Variants in ST18 observed in about 807,000 individuals in gnomAD.
ST18 encodes ST18 C2H2C-type zinc finger transcription factor.
Under a neutral mutation model 110.0 loss-of-function variants are expected in ST18, and 50 were observed. The observed-to-expected ratio is 0.45, with a 90% confidence interval of 0.36 to 0.58. The LOEUF is 0.58. Among genes scored for constraint, ST18 ranks in the 20% least tolerant of loss-of-function variants. The pLI is 0.00. For synonymous variants in ST18, 461 were observed against 452.4 expected (o/e 1.02, Z -0.24); for missense variants, 1,306 against 1,280.1 (o/e 1.02, Z -0.31).
In ST18 at chr8:52,110,863, A is replaced by T. The variant is rs2040349430; in HGVS notation, c.*2335T>A. 1 of 385,676 alleles carries T rather than the reference A, an allele frequency of 2.6e-6. No homozygotes were observed. 23.9% of individuals were successfully genotyped at this position (385,676 alleles called of 1,614,324 possible). A position where few individuals can be genotyped will look rare whatever the true frequency, so the allele number is the denominator to read the frequency against. ...TCGTTATCAATTTTTATTTCCTACC[A>T]TACACCAAATGTACAGCACTGAACA... On this transcript the variant is annotated 3_prime_UTR_variant, in exon 26 of 26. Coordinates refer to ENST00000689386, the MANE Select transcript of ST18 (RefSeq NM_001352837.2).
chr8:52,174,926 C>A (rs1404392595), intron 9 of ST18, among the ~76,000 whole-genome samples: 1 of 152,062 alleles, frequency 6.6e-6, no homozygotes, highest in African/African-American at 2.4e-5. Flanking sequence ...CTTGTTTCTC[C>A]CAGCTTTGCA....
At position 52,159,018 on chromosome 8, in the gene ST18, G is replaced by A; in HGVS notation, c.1686C>T (p.Ser562=). 6.2e-7 allele frequency: 1 copy of A among 1,614,144 alleles called. No homozygotes were observed. Among genetic ancestry groups the A allele is most frequent in the Non-Finnish European group, 8.5e-7 (1 of 1,180,002 alleles). The part of the protein sequence containing the change: ...TQSPGRASSY[S]YGQCSEDTHI... ...GGGTGTCTTCACTACATTGACCGTA[G>A]CTATAAGAGCTGGCACGGCCAGGGC... The change falls in exon 15 of 26, where the codon AGC becomes AGT. Residue 562 remains serine (S), a synonymous_variant. Transcript: ENST00000689386.
At chr8:52,174,367 CAAAT>C (rs1205175546) in intron 9 of ST18, among the ~76,000 whole-genome samples, 2 of 152,070 alleles carry the variant, frequency 1.3e-5, no homozygotes, top group African/African-American at 2.4e-5. Context: ...CTACAGAAAA[CAAAT>C]AAAAAGCATT....
chr8:52,239,075 A>G (rs1263746542), intron 2 of ST18, among the ~76,000 whole-genome samples: 1 of 152,130 alleles, frequency 6.6e-6, no homozygotes, highest in African/African-American at 2.4e-5. Context: ...GCTAAGTGAA[A>G]GAAGCCAGGC....
In ST18 at chr8:52,116,131, C is replaced by T. The variant is rs78676087; in HGVS notation, c.3003+144G>A. The T allele has an allele frequency of 1.2e-3, 1,037 of 866,182 alleles. 12 individuals carry two copies. The African/African-American group carries it at 0.016, about 13-fold the overall frequency. 53.7% of individuals were successfully genotyped at this position (866,182 alleles called of 1,614,324 possible). Reference sequence around the variant, plus strand: ...ATGTTCCCAGAGAGGGAGATTACTCCAAGCCAGACTGTGATGAAGTGTGGT... The same window carrying T: ...ATGTTCCCAGAGAGGGAGATTACTCTAAGCCAGACTGTGATGAAGTGTGGT... On this transcript the variant is annotated intron_variant, in intron 25 of 25. Transcript: ENST00000689386.
intron 17 of ST18, among the ~76,000 whole-genome samples, chr8:52,141,295 G>A (rs772370569): frequency 7.9e-5 from 12 of 152,198 alleles, no homozygotes; most frequent in Admixed American, 2.6e-4. Flanking sequence ...CTTGGCACCA[G>A]CATTTGAAAT....
intron 2 of ST18, among the ~76,000 whole-genome samples, chr8:52,249,620 GC>G (rs2094134069): frequency 6.6e-6 from 1 of 152,030 alleles, no homozygotes. Flanking sequence ...CCTCAAGGTT[GC>G]CGAAGGTCTA....
intron 2 of ST18, among the ~76,000 whole-genome samples, chr8:52,303,822 C>G (rs893404468): frequency 1.3e-5 from 2 of 152,166 alleles, no homozygotes; most frequent in Admixed American, 6.5e-5. Context: ...ACACTAAATG[C>G]AGTGCTTTGT....
rs189479046 is a variant in ST18, at chr8:52,144,394, T to A, written c.2053-1349A>T. 3.4e-3 allele frequency among the ~76,000 whole-genome samples: 514 copies of A among 152,168 alleles called. 6 individuals carry two copies. Among genetic ancestry groups the A allele is most frequent in the African/African-American group, 0.012 (486 of 41,552 alleles). ...AAAATATAATTTTAGTAATTCTGAGTCTATATTCAAAAGCAATATGAAAAA... is the reference window on the plus strand; with the variant it reads ...AAAATATAATTTTAGTAATTCTGAGACTATATTCAAAAGCAATATGAAAAA... On this transcript the variant is annotated intron_variant, in intron 16 of 25. Transcript: ENST00000689386.
At chr8:52,250,277 C>G (rs901379593) in intron 2 of ST18, among the ~76,000 whole-genome samples, 1 of 151,624 alleles carries the variant, frequency 6.6e-6, no homozygotes, top group Non-Finnish European at 1.5e-5. Flanking sequence ...CTGCATCTCC[C>G]TTGAACAGAC....
intron 2 of ST18, among the ~76,000 whole-genome samples, chr8:52,310,443 C>T (rs2095885736): frequency 6.6e-6 from 1 of 152,042 alleles, no homozygotes; most frequent in Non-Finnish European, 1.5e-5. Flanking sequence ...ACTATAAGCC[C>T]TTGTGTCTGT....
At chr8:52,286,292 C>G (rs2139250269) in intron 2 of ST18, among the ~76,000 whole-genome samples, 1 of 152,206 alleles carries the variant, frequency 6.6e-6, no homozygotes, top group South Asian at 2.1e-4. Context: ...GGGCACAGTA[C>G]AAAGCTGGCA....
At chr8:52,296,860 G>A (rs1011333495) in intron 2 of ST18, among the ~76,000 whole-genome samples, 2 of 152,088 alleles carry the variant, frequency 1.3e-5, no homozygotes, top group African/African-American at 4.8e-5. Context: ...ACTAAGACAA[G>A]TGTGCAATTA....
At chr8:52,174,981 TG>T (rs1470746426) in intron 9 of ST18, among the ~76,000 whole-genome samples, 1 of 151,756 alleles carries the variant, frequency 6.6e-6, no homozygotes, top group African/African-American at 2.4e-5. Flanking sequence ...TTATTTTCTC[TG>T]GGGGCCTGGT....
intron 19 of ST18, among the ~76,000 whole-genome samples, chr8:52,136,105 A>T (rs989228567): frequency 2.0e-5 from 3 of 152,240 alleles, no homozygotes; most frequent in African/African-American, 7.2e-5. Context: ...TCACAAAGTA[A>T]AAGTTAATAC....
At position 52,116,256 on chromosome 8, in the gene ST18, G is replaced by T. The variant is rs746366348; in HGVS notation, c.3003+19C>A. 1 of 1,610,238 alleles carries T rather than the reference G, an allele frequency of 6.2e-7. No individual in the cohort carries two copies. Among genetic ancestry groups the T allele is most frequent in the Non-Finnish European group, 8.5e-7 (1 of 1,178,574 alleles). On this transcript the variant is annotated intron_variant, in intron 25 of 25. Coordinates refer to ENST00000689386, the MANE Select transcript of ST18 (RefSeq NM_001352837.2). ...CAAATGCTTGTAATGGAATGGCAAG[G>T]TTCTGGCCTTGAACTTACCATCTGT... is the stretch of plus-strand genomic sequence containing the variant.
At chr8:52,226,291 G>A (rs1003981744) in intron 3 of ST18, among the ~76,000 whole-genome samples, 1 of 152,124 alleles carries the variant, frequency 6.6e-6, no homozygotes, top group African/African-American at 2.4e-5. Context: ...GCAATGCATT[G>A]CTGTCTTTGG....
chr8:52,233,304 G>A (rs1428636360), intron 2 of ST18, among the ~76,000 whole-genome samples: 1 of 152,060 alleles, frequency 6.6e-6, no homozygotes, highest in East Asian at 1.9e-4. Flanking sequence ...TATTTCTGTT[G>A]CATAAATCAA....
chr8:52,157,448 G>A (rs1563748320), intron 15 of ST18, among the ~76,000 whole-genome samples: 1 of 152,008 alleles, frequency 6.6e-6, no homozygotes, highest in African/African-American at 2.4e-5. Flanking sequence ...AGAAGGAAGC[G>A]ATTTTAGTAT....
Sources: gnomAD v4.1 joint callset for allele counts (sites outside exome capture counted in the v4.1 genomes callset) on GRCh38, gnomAD v4.1.1 for gene constraint, MANE v1.5 for transcripts, NCBI Gene and HGNC (gene_info 2026-07-23, HGNC 2026-07-21) for gene names.